SFI1: variants seen among roughly 807,000 people sequenced by gnomAD.
The protein encoded by SFI1 is protein SFI1 homolog.
A neutral mutation model predicts 207.5 loss-of-function variants in SFI1; 195 were observed. The ratio of observed to expected loss-of-function variants is 0.94; its 90% CI spans 0.84 to 1.06. The LOEUF (loss-of-function observed/expected upper bound fraction) is 1.06. Among genes scored for constraint, SFI1 ranks in the 50% least tolerant of loss-of-function variants. SFI1 has a pLI of 0.00. For missense variants in SFI1, 1,634 were observed against 1,588.0 expected (o/e 1.03, Z -0.49); for synonymous variants, 630 against 598.9 (o/e 1.05, Z -0.76).
chr22:31,613,201 C>A lies in SFI1; in HGVS notation c.2550C>A (p.Phe850Leu), dbSNP rs777761200. ...TGCGGGCCCTGTGGTTCTGGGCCTT[C>A]TCGCTGCAGGCAAAGGTAATTGGGG... Reference protein sequence around the residue: ...ATVRALWFWAFSLQAKVWATW... With the variant: ...ATVRALWFWALSLQAKVWATW... Residue 850 changes from phenylalanine (F) to leucine (L), a missense_variant, in exon 25 of 33, where the codon TTC becomes TTA. Coordinates refer to ENST00000400288, the MANE Select transcript of SFI1 (RefSeq NM_001007467.3). 1 of 1,613,842 alleles carries A rather than the reference C, an allele frequency of 6.2e-7. No homozygotes were observed. The highest frequency in any genetic ancestry group is 1.1e-5 in the South Asian group (1 of 91,084).
At chr22:31,613,891 C>T (rs369333160) in intron 27 of SFI1, 36 bp downstream of exon 27, 82 of 1,549,542 alleles carry the variant, frequency 5.3e-5, no homozygotes, top group South Asian at 2.3e-4. Flanking sequence ...CTCGCTTCCA[C>T]CCTGGGCAAA....
intron 2 of SFI1, among the ~76,000 whole-genome samples, chr22:31,509,791 A>G (rs186543035): frequency 5.9e-5 from 9 of 152,122 alleles, no homozygotes; most frequent in Non-Finnish European, 8.8e-5. Flanking sequence ...CACGAGGTCT[A>G]TTGGTCTTTT....
chr22:31,616,221 C>A (rs1421433192), intron 29 of SFI1: 1 of 152,384 alleles, frequency 6.6e-6, no homozygotes. Flanking sequence ...GGAACCAGTT[C>A]CTGTGGTGAG....
intron 2 of SFI1, among the ~76,000 whole-genome samples, chr22:31,528,151 G>A (rs1232279356): frequency 6.6e-6 from 1 of 151,536 alleles, no homozygotes; most frequent in Non-Finnish European, 1.5e-5. Flanking sequence ...TGGTCATGGT[G>A]GTGCATGCCT....
intron 15 of SFI1, among the ~76,000 whole-genome samples, chr22:31,598,424 A>G (rs1231178786): frequency 6.6e-6 from 1 of 151,544 alleles, no homozygotes; most frequent in African/African-American, 2.4e-5. Context: ...GATTTCCGTC[A>G]TCATAGGTTA....
At chr22:31,587,361 G>A in intron 14 of SFI1, 1 of 371,124 alleles carries the variant, frequency 2.7e-6, no homozygotes, top group East Asian at 8.0e-5. Flanking sequence ...GAGTACAGTG[G>A]CATGATCTTG....
Position 31,515,816 on chromosome 22 carries a change from C to A in SFI1, c.92+7440C>A, listed in dbSNP as rs530414020. Reference sequence around the variant, plus strand: ...GCAGTGGCGTGATCTCGGCTCACTGCAACCTGCATCCCCTGGGTTCAAGCA... The same window carrying A: ...GCAGTGGCGTGATCTCGGCTCACTGAAACCTGCATCCCCTGGGTTCAAGCA... On this transcript the variant is annotated intron_variant, in intron 2 of 32. Transcript: ENST00000400288. Among the ~76,000 whole-genome samples, 6 of 150,724 alleles carry A rather than the reference C, an allele frequency of 4.0e-5. No individual in the cohort carries two copies. In the South Asian group the frequency reaches 1.0e-3, roughly 26 times the overall value.
chr22:31,524,920 G>A (rs1286276417), intron 2 of SFI1, among the ~76,000 whole-genome samples: 2 of 151,814 alleles, frequency 1.3e-5, no homozygotes, highest in Non-Finnish European at 2.9e-5. Flanking sequence ...TCAGCCTCCC[G>A]AGTAACTGGG....
At chr22:31,545,986 G>A (rs1219580306) in intron 4 of SFI1, among the ~76,000 whole-genome samples, 1 of 148,078 alleles carries the variant, frequency 6.8e-6, no homozygotes, top group African/African-American at 2.5e-5. Flanking sequence ...TCTCCCTCCT[G>A]GGCTCAAGCG....
At chr22:31,556,221 C>G (rs1276205309) in intron 6 of SFI1, among the ~76,000 whole-genome samples, 1 of 147,892 alleles carries the variant, frequency 6.8e-6, no homozygotes, top group African/African-American at 2.5e-5. Context: ...ATTTTTTTTT[C>G]TTTTCTTTTT....
At chr22:31,517,002 C>T (rs781273290) in intron 2 of SFI1, among the ~76,000 whole-genome samples, 26 of 151,602 alleles carry the variant, frequency 1.7e-4, no homozygotes, top group Non-Finnish European at 2.9e-4. Flanking sequence ...GATGTGGTGT[C>T]GCATGCCTAT....
At chr22:31,602,835 G>T (rs1204949588) in intron 17 of SFI1, 50 bp downstream of exon 17, 1 of 1,581,114 alleles carries the variant, frequency 6.3e-7, no homozygotes, top group Non-Finnish European at 8.6e-7. Flanking sequence ...GGCCAGCTTT[G>T]CTTGTTCTAG....
chr22:31,537,941 T>C (rs1412873975), intron 4 of SFI1, among the ~76,000 whole-genome samples: 2 of 152,142 alleles, frequency 1.3e-5, no homozygotes, highest in African/African-American at 4.8e-5. Context: ...TGCCTTTATG[T>C]GCTTAGATAA....
chr22:31,602,729 G>T lies in SFI1; in HGVS notation c.1749G>T (p.Gly583=). The T allele has an allele frequency of 6.2e-7, 1 of 1,614,202 alleles. No individual in the cohort carries two copies. The highest frequency in any genetic ancestry group is 8.5e-7 in the Non-Finnish European group (1 of 1,180,042). The change falls in exon 17 of 33, where the codon GGG becomes GGT. Residue 583 remains glycine, a synonymous_variant. Transcript: ENST00000400288. The part of the protein sequence containing the change: ...QTVACAHHRH[G]RLKKAFCLWR... ...TGGCCTGTGCCCACCACCGCCACGG[G>T]CGGCTCAAGAAAGCTTTCTGCCTCT...
chr22:31,578,271 C>T (rs1176835188), intron 10 of SFI1, 111 bp from the exon 11 acceptor site: 2 of 1,013,314 alleles, frequency 2.0e-6, no homozygotes, highest in Non-Finnish European at 2.8e-6. Flanking sequence ...CTCAGCCCAC[C>T]TGGCACGTGT....
chr22:31,564,105 A>C (rs2062007706), intron 8 of SFI1, among the ~76,000 whole-genome samples: 1 of 151,746 alleles, frequency 6.6e-6, no homozygotes, highest in Non-Finnish European at 1.5e-5. Context: ...AGGTGGGCGG[A>C]TCATGAGGTC....
chr22:31,566,011 A>T (rs1158347850), intron 8 of SFI1, among the ~76,000 whole-genome samples: 1 of 151,554 alleles, frequency 6.6e-6, no homozygotes, highest in African/African-American at 2.4e-5. Flanking sequence ...TGTGTATATT[A>T]TGCCATTGTA....
At chr22:31,607,914 C>G (rs1473052266) in intron 21 of SFI1, 23 bp from the exon 22 acceptor site, 41 of 1,609,404 alleles carry the variant, frequency 2.5e-5, no homozygotes, top group Non-Finnish European at 3.4e-5. Context: ...GTGACTCTTG[C>G]TGTGCTCCTT....
At chr22:31,577,151 T>C (rs2063611434) in intron 10 of SFI1, among the ~76,000 whole-genome samples, 1 of 152,188 alleles carries the variant, frequency 6.6e-6, no homozygotes, top group Non-Finnish European at 1.5e-5. Flanking sequence ...TCTTTAAATA[T>C]GGCATGATAA....
Sources: allele counts gnomAD v4.1 joint callset (sites outside exome capture counted in the v4.1 genomes callset), GRCh38; gene constraint gnomAD v4.1.1; transcripts MANE v1.5; gene names NCBI Gene and HGNC (gene_info 2026-07-23, HGNC 2026-07-21).